SCN11A: variants seen among roughly 807,000 people sequenced by gnomAD.
The protein encoded by SCN11A is sodium channel protein type 11 subunit alpha.
A neutral mutation model predicts 162.2 loss-of-function variants in SCN11A; 122 were observed. The observed-to-expected ratio is 0.75, with a 90% CI of 0.65 to 0.87. The LOEUF (loss-of-function observed/expected upper bound fraction) is 0.87, where lower values mean the gene tolerates loss of function less well. SCN11A is among the 40% of genes least tolerant of loss of function. The pLI, the probability that SCN11A is intolerant of heterozygous loss-of-function variation, is 0.00. For synonymous variants in SCN11A, 758 were observed against 751.5 expected (o/e 1.01, Z -0.14); for missense variants, 2,015 against 2,181.6 (o/e 0.92, Z 1.52).
intron 23 of SCN11A, among the ~76,000 whole-genome samples, chr3:38,875,361 G>T (rs4437076): frequency 0.034 from 5,128 of 152,000 alleles, 122 homozygotes; most frequent in South Asian, 0.064. Flanking sequence ...GTAACAATTT[G>T]AATAAGATGA....
Position 38,871,444 on chromosome 3 carries a change from C to A in SCN11A, c.3759+1G>T. ...GTGAAAAACATACTGACTGTACTTA[C>A]CACTTGCAGCAGAGCGAGGTAAGCA... On this transcript the variant is annotated splice_donor_variant, in intron 25 of 29. Coordinates refer to ENST00000302328, the MANE Select transcript of SCN11A (RefSeq NM_001349253.2). LOFTEE classifies it high-confidence loss of function. 6.3e-7 allele frequency: 1 copy of A among 1,598,402 alleles called. No individual in the cohort carries two copies. The highest frequency in any genetic ancestry group is 8.5e-7 in the Non-Finnish European group (1 of 1,173,366).
chr3:38,849,727 G>GT (rs1184249138), intron 29 of SCN11A: 8 of 152,302 alleles, frequency 5.3e-5, no homozygotes, highest in African/African-American at 1.9e-4. Flanking sequence ...AAGTTGATGT[G>GT]TGTATGTGTG....
chr3:38,994,281 C>G (rs2030542810), intron 2 of SCN11A, among the ~76,000 whole-genome samples: 1 of 152,206 alleles, frequency 6.6e-6, no homozygotes, highest in African/African-American at 2.4e-5. Context: ...ACCAGCTAAG[C>G]TCCTGGATCC....
intron 3 of SCN11A, among the ~76,000 whole-genome samples, chr3:38,958,145 C>T (rs1377473871): frequency 6.6e-6 from 1 of 152,236 alleles, no homozygotes; most frequent in African/African-American, 2.4e-5. Flanking sequence ...CATCCTTCCC[C>T]ACTCTGCTCA....
At chr3:38,932,237 G>A (rs1026431949) in intron 7 of SCN11A, among the ~76,000 whole-genome samples, 7 of 152,224 alleles carry the variant, frequency 4.6e-5, no homozygotes, top group Admixed American at 3.3e-4. Context: ...CAGTCAGGCT[G>A]GAGCCAAGAT....
rs1392187813 is a variant in SCN11A, at chr3:38,900,081, G to C, written c.1843-8C>G. The C allele has an allele frequency of 6.2e-7, 1 of 1,612,044 alleles. No individual in the cohort carries two copies. Among genetic ancestry groups the C allele is most frequent in the Non-Finnish European group, 8.5e-7 (1 of 1,178,426 alleles). ...AAAAATGCTAGTGAAAACCTAGAGT[G>C]GGACAAAGAAGAATGAGAGAAGGAA... On this transcript the variant is annotated splice_region_variant and splice_polypyrimidine_tract_variant and intron_variant, in intron 16 of 29. Coordinates refer to ENST00000302328, the MANE Select transcript of SCN11A (RefSeq NM_001349253.2).
intron 2 of SCN11A, among the ~76,000 whole-genome samples, chr3:39,003,651 G>T (rs2030882360): frequency 6.6e-6 from 1 of 152,188 alleles, no homozygotes; most frequent in Non-Finnish European, 1.5e-5. Context: ...TCCACCAACA[G>T]TGTATGTGTT....
chr3:38,988,432 C>T (rs2030337243), intron 2 of SCN11A, among the ~76,000 whole-genome samples: 2 of 152,152 alleles, frequency 1.3e-5, no homozygotes, highest in Non-Finnish European at 1.5e-5. Flanking sequence ...CTCCTTGTTA[C>T]AGTTCTCTCC....
intron 2 of SCN11A, among the ~76,000 whole-genome samples, chr3:38,996,165 T>C (rs540854616): frequency 6.6e-6 from 1 of 152,220 alleles, no homozygotes; most frequent in African/African-American, 2.4e-5. Flanking sequence ...AATAAATTTT[T>C]TTTTCAGTCA....
At chr3:38,995,400 G>A (rs1407096266) in intron 2 of SCN11A, among the ~76,000 whole-genome samples, 6 of 152,166 alleles carry the variant, frequency 3.9e-5, no homozygotes, top group African/African-American at 7.2e-5. Flanking sequence ...AATTACAGGC[G>A]TGAGCCATGG....
rs2066617824 is a variant in SCN11A, at chr3:38,951,575, C to T, written c.-7-1206G>A. On this transcript the variant is annotated intron_variant, in intron 4 of 29. Coordinates refer to ENST00000302328, the MANE Select transcript of SCN11A (RefSeq NM_001349253.2). ...GACTGGCAGGCAGCTCCACCTGCGGCCCCGGTGCGGGATCCACTGGGTGAA... is the reference window on the plus strand; with the variant it reads ...GACTGGCAGGCAGCTCCACCTGCGGTCCCGGTGCGGGATCCACTGGGTGAA... Among the ~76,000 whole-genome samples, 3 of 152,384 alleles carry T rather than the reference C, an allele frequency of 2.0e-5. No individual in the cohort carries two copies. In the South Asian group the frequency reaches 6.2e-4, roughly 32 times the overall value.
At chr3:38,881,445 G>T (rs1441717261) in intron 22 of SCN11A, among the ~76,000 whole-genome samples, 1 of 152,160 alleles carries the variant, frequency 6.6e-6, no homozygotes, top group African/African-American at 2.4e-5. Flanking sequence ...CAGTAAGCTG[G>T]TTCAGCAGAT....
intron 2 of SCN11A, among the ~76,000 whole-genome samples, chr3:39,008,799 T>C (rs6793561): frequency 0.48 from 72,437 of 151,322 alleles, 21,198 homozygotes; most frequent in African/African-American, 0.84. Flanking sequence ...AGGAGAATAA[T>C]TTGAACCCAG....
Position 38,909,168 on chromosome 3 carries a change from T to A in SCN11A, c.1128A>T (p.Ser376=). ...AAATGACCACAATGAAGAAGAAGAC[T>A]GAGTAGAGCCCAGTAGTACGCAGGG... ...QQTLRTTGLY[S]VFFFIVVIFL... The change falls in exon 13 of 30, where the codon TCA becomes TCT. Residue 376 remains serine, a synonymous_variant. Transcript: ENST00000302328. 1 of 1,614,086 alleles carries A rather than the reference T, an allele frequency of 6.2e-7. No homozygotes were observed. The highest frequency in any genetic ancestry group is 8.5e-7 in the Non-Finnish European group (1 of 1,179,966).
intron 19 of SCN11A, among the ~76,000 whole-genome samples, chr3:38,891,438 G>T (rs1430102576): frequency 6.6e-6 from 1 of 151,980 alleles, no homozygotes; most frequent in African/African-American, 2.4e-5. Flanking sequence ...AACCAGAAAG[G>T]AAAGAGAGAA....
At chr3:38,961,010 C>T (rs1036859396) in intron 2 of SCN11A, among the ~76,000 whole-genome samples, 1 of 152,082 alleles carries the variant, frequency 6.6e-6, no homozygotes, top group Admixed American at 6.6e-5. Flanking sequence ...GCTTTTTATT[C>T]CTGGGGAAAA....
At position 38,847,428 on chromosome 3, in the gene SCN11A, T is replaced by A; in HGVS notation, c.4642A>T (p.Ser1548Cys). The change falls in exon 30 of 30, where the codon AGC becomes TGC. Residue 1548 changes from serine to cysteine, a missense_variant. Ser to Cys is a moderately radical substitution (Grantham distance 112). Coordinates refer to ENST00000302328, the MANE Select transcript of SCN11A (RefSeq NM_001349253.2). Reference sequence around the variant, plus strand: ...AGGGAATCCCAACCTGCTGATGTGCTTATCTGGAAGAGACAGAGCATGCTG... The same window carrying A: ...AGGGAATCCCAACCTGCTGATGTGCATATCTGGAAGAGACAGAGCATGCTG... ...ASSMLCLFQI[S>C]TSAGWDSLLS... 6.2e-7 allele frequency: 1 copy of A among 1,614,188 alleles called. No individual in the cohort carries two copies. The highest frequency in any genetic ancestry group is 8.5e-7 in the Non-Finnish European group (1 of 1,180,028).
chr3:38,958,559 T>C (rs573602921), intron 3 of SCN11A, among the ~76,000 whole-genome samples: 40 of 152,354 alleles, frequency 2.6e-4, no homozygotes, highest in African/African-American at 8.7e-4. Flanking sequence ...AGTCATTCAC[T>C]AAATACAATT....
chr3:38,859,557 G>A (rs528365375), intron 28 of SCN11A, among the ~76,000 whole-genome samples: 21 of 152,208 alleles, frequency 1.4e-4, no homozygotes, highest in Admixed American at 1.3e-3. Flanking sequence ...TCCAGGACCA[G>A]ATGGATTAAC....
Sources: allele counts gnomAD v4.1 joint callset (sites outside exome capture counted in the v4.1 genomes callset), GRCh38; gene constraint gnomAD v4.1.1; transcripts MANE v1.5; gene names NCBI Gene and HGNC (gene_info 2026-07-23, HGNC 2026-07-21).